The following WDHD1 variants were observed in gnomAD, a reference collection of about 807,000 sequenced individuals.
WDHD1 encodes WD repeat and HMG-box DNA-binding protein 1.
Under a neutral mutation model 135.4 loss-of-function variants are expected in WDHD1, and 111 were observed. The observed-to-expected ratio is 0.82, with a 90% CI of 0.70 to 0.96. The LOEUF (loss-of-function observed/expected upper bound fraction) is 0.96, where lower values mean the gene tolerates loss of function less well. Among genes scored for constraint, WDHD1 ranks in the 40% least tolerant of loss-of-function variants. The probability of loss-of-function intolerance (pLI) is 0.00; values close to 1 mark genes in which losing one functional copy is unlikely to be tolerated. For missense variants in WDHD1, 1,351 were observed against 1,336.3 expected (o/e 1.01, Z -0.17); for synonymous variants, 434 against 439.0 (o/e 0.99, Z 0.14).
rs1445611772 is a variant in WDHD1 at position 54,939,884 on chromosome 14, C to G, written c.*1606G>C. 6.6e-6 allele frequency: 1 copy of G among 152,134 alleles called. No individual in the cohort carries two copies. Among genetic ancestry groups the G allele is most frequent in the Non-Finnish European group, 1.5e-5 (1 of 68,016 alleles). 9.4% of individuals were successfully genotyped at this position (152,134 alleles called of 1,614,324 possible). Reference sequence around the variant, plus strand: ...GAAACTGCATTTACTTTTATATCAACCTAGTATTATAAAATATATACAAAG... The same window carrying G: ...GAAACTGCATTTACTTTTATATCAAGCTAGTATTATAAAATATATACAAAG... On this transcript the variant is annotated 3_prime_UTR_variant, in exon 26 of 26. Coordinates refer to ENST00000360586, the MANE Select transcript of WDHD1 (RefSeq NM_007086.4).
rs145460625 is a variant in WDHD1, at chr14:54,987,207, A to G, written c.1707T>C (p.Leu569=). Residue 569 remains leucine, a synonymous_variant, in exon 14 of 26, where the codon CTT becomes CTC. Transcript: ENST00000360586. The part of the protein sequence containing the change: ...IGGVQKEVFS[L]AGPVVSMAGH... Reference sequence around the variant, plus strand: ...CTGCCATTGACACCACAGGTCCAGCAAGGCTGAATACCTCTTTTTGAACCC... The same window carrying G: ...CTGCCATTGACACCACAGGTCCAGCGAGGCTGAATACCTCTTTTTGAACCC... 10 of 1,614,090 alleles carry G rather than the reference A, an allele frequency of 6.2e-6. No individual in the cohort carries two copies. In the African/African-American group the frequency reaches 1.3e-4, roughly 22 times the overall value.
intron 1 of WDHD1, 105 bp downstream of exon 1, chr14:55,026,923 C>A: frequency 2.3e-6 from 2 of 872,766 alleles, no homozygotes; most frequent in South Asian, 2.8e-5. Context: ...GTTTCCCCCA[C>A]CCGAGTGACA....
intron 7 of WDHD1, 107 bp downstream of exon 7, chr14:55,007,173 A>G: frequency 1.2e-6 from 1 of 855,632 alleles, no homozygotes; most frequent in Non-Finnish European, 1.7e-6. Context: ...GGTTGCAGTG[A>G]GCCGAGATTG....
At chr14:54,998,945 T>A (rs2041935494) in intron 10 of WDHD1, among the ~76,000 whole-genome samples, 1 of 152,228 alleles carries the variant, frequency 6.6e-6, no homozygotes, top group South Asian at 2.1e-4. Context: ...ATTCACTTAA[T>A]CCTCCCAATA....
chr14:54,974,913 T>C (rs1393919952), intron 16 of WDHD1, among the ~76,000 whole-genome samples: 2 of 152,220 alleles, frequency 1.3e-5, no homozygotes, highest in South Asian at 4.1e-4. Context: ...CTTTTTCTTC[T>C]GTGTTGGACC....
intron 2 of WDHD1, among the ~76,000 whole-genome samples, chr14:55,015,900 T>C (rs1229738884): frequency 6.6e-6 from 1 of 152,022 alleles, no homozygotes; most frequent in Admixed American, 6.6e-5. Context: ...GGTTCCACCA[T>C]GTTGGCCAGG....
intron 7 of WDHD1, among the ~76,000 whole-genome samples, chr14:55,004,393 TTTTC>T (rs1435696541): frequency 6.6e-6 from 1 of 152,218 alleles, no homozygotes; most frequent in Non-Finnish European, 1.5e-5. Flanking sequence ...TTTGCATCAC[TTTTC>T]TTTTTCAAAA....
rs150872294 is a variant in WDHD1, at chr14:54,959,837, T to C, written c.2702-2202A>G. The stretch of plus-strand genomic sequence containing the variant: ...CAAAAAAACCTTTCCATCTAGCCAA[T>C]AAAAATTGTTTTATTTATCTCGTTT... On this transcript the variant is annotated intron_variant, in intron 21 of 25. Transcript: ENST00000360586. Among the ~76,000 whole-genome samples, 22 of 152,192 alleles carry C rather than the reference T, an allele frequency of 1.4e-4. 1 individual carries two copies. In the East Asian group the frequency reaches 4.3e-3, roughly 29 times the overall value.
At chr14:55,026,063 A>G (rs1181614479) in intron 2 of WDHD1, among the ~76,000 whole-genome samples, 2 of 152,224 alleles carry the variant, frequency 1.3e-5, no homozygotes, top group African/African-American at 4.8e-5. Context: ...AATGCCTGTC[A>G]ATCCAAAAAG....
chr14:55,006,062 C>T (rs961638571), intron 7 of WDHD1, among the ~76,000 whole-genome samples: 2 of 151,892 alleles, frequency 1.3e-5, no homozygotes, highest in African/African-American at 2.4e-5. Context: ...CGAGGTCTTG[C>T]TATGTTGCCC....
chr14:54,960,200 C>T (rs1420913657), intron 21 of WDHD1, among the ~76,000 whole-genome samples: 1 of 152,200 alleles, frequency 6.6e-6, no homozygotes, highest in Non-Finnish European at 1.5e-5. Flanking sequence ...TGGAGTCTCG[C>T]TCTGTCGCCC....
At chr14:55,017,394 G>A (rs2042278674) in intron 2 of WDHD1, among the ~76,000 whole-genome samples, 1 of 152,010 alleles carries the variant, frequency 6.6e-6, no homozygotes, top group Non-Finnish European at 1.5e-5. Context: ...TCAGGCTGGA[G>A]TGCAGTGGCA....
intron 24 of WDHD1, among the ~76,000 whole-genome samples, chr14:54,950,537 C>T (rs1042187360): frequency 2.0e-5 from 3 of 152,152 alleles, no homozygotes; most frequent in Admixed American, 6.5e-5. Flanking sequence ...TAGACTCCCA[C>T]GCAATAATAA....
intron 2 of WDHD1, among the ~76,000 whole-genome samples, chr14:55,022,689 AAAC>A (rs1183465543): frequency 1.3e-5 from 2 of 152,016 alleles, no homozygotes. Context: ...CAAAAAAACA[AAAC>A]AAACAAACAA....
At chr14:55,022,267 T>G (rs2042361349) in intron 2 of WDHD1, among the ~76,000 whole-genome samples, 1 of 152,194 alleles carries the variant, frequency 6.6e-6, no homozygotes, top group Non-Finnish European at 1.5e-5. Context: ...ACTAAGAGAC[T>G]GGAGTTTATC....
At chr14:54,970,261 C>T (rs915265819) in intron 16 of WDHD1, among the ~76,000 whole-genome samples, 3 of 152,126 alleles carry the variant, frequency 2.0e-5, no homozygotes, top group Non-Finnish European at 4.4e-5. Flanking sequence ...GACTATATTA[C>T]TCTATACATA....
rs751007261 is a variant in WDHD1, at chr14:54,999,892, G to C, written c.942+611C>G. Among the ~76,000 whole-genome samples the C allele has an allele frequency of 1.1e-4, 16 of 152,110 alleles. 1 individual carries two copies. The highest frequency in any genetic ancestry group is 1.9e-4 in the Non-Finnish European group (13 of 68,026). On this transcript the variant is annotated intron_variant, in intron 10 of 25. Coordinates refer to ENST00000360586, the MANE Select transcript of WDHD1 (RefSeq NM_007086.4). ...TACAGGTGTGAGTCACTGCAGCAGA[G>C]CTCAAAATTATTTTTATAATCATCC...
At chr14:54,975,358 T>G (rs1198909742) in intron 16 of WDHD1, among the ~76,000 whole-genome samples, 2 of 152,010 alleles carry the variant, frequency 1.3e-5, no homozygotes, top group Admixed American at 1.3e-4. Context: ...CATAATTTTT[T>G]TTTTTTTGAG....
intron 23 of WDHD1, among the ~76,000 whole-genome samples, chr14:54,956,054 C>A (rs550906146): frequency 6.6e-6 from 1 of 151,814 alleles, no homozygotes; most frequent in Non-Finnish European, 1.5e-5. Flanking sequence ...CCTGCCACCG[C>A]GGCTGGCCTA....
Sources: gnomAD v4.1 joint callset for allele counts (sites outside exome capture counted in the v4.1 genomes callset) on GRCh38, gnomAD v4.1.1 for gene constraint, MANE v1.5 for transcripts, NCBI Gene and HGNC (gene_info 2026-07-23, HGNC 2026-07-21) for gene names.